Variants in RBFOX1 observed in about 807,000 individuals in gnomAD.
The protein encoded by RBFOX1 is RNA binding protein fox-1 homolog 1.
Under a neutral mutation model 57.7 loss-of-function variants are expected in RBFOX1, and 8 were observed. That is an observed-to-expected ratio of 0.14 (90% CI 0.08 to 0.25). The LOEUF (loss-of-function observed/expected upper bound fraction) is 0.25, where lower values mean the gene tolerates loss of function less well. Among genes scored for constraint, RBFOX1 ranks in the 10% least tolerant of loss-of-function variants. The pLI is 1.00. For missense variants in RBFOX1, 611 were observed against 548.5 expected (o/e 1.11, Z -1.14); for synonymous variants, 326 against 222.4 (o/e 1.47, Z -4.15).
At chr16:6,612,448 C>A (rs1380817149) in intron 2 of RBFOX1, among the ~76,000 whole-genome samples, 11 of 151,748 alleles carry the variant, frequency 7.2e-5, no homozygotes, top group Admixed American at 7.2e-4. Flanking sequence ...CGTATATTGA[C>A]TTATTTAAGT....
chr16:5,500,769 G>A (rs1300917934), intron 2 of RBFOX1, among the ~76,000 whole-genome samples: 2 of 152,226 alleles, frequency 1.3e-5, no homozygotes, highest in South Asian at 2.1e-4. Context: ...AGCTTTTTGC[G>A]TGGTAACTTC....
chr16:5,610,379 G>C (rs1485650605), intron 3 of RBFOX1: 1 of 152,264 alleles, frequency 6.6e-6, no homozygotes, highest in Admixed American at 6.5e-5. Flanking sequence ...CCGTTTAACA[G>C]AAGAGCAAGT....
chr16:7,185,527 C>G (rs1286265039), intron 4 of RBFOX1, among the ~76,000 whole-genome samples: 1 of 152,160 alleles, frequency 6.6e-6, no homozygotes, highest in Middle Eastern at 3.2e-3. Context: ...ACATGGATCA[C>G]CTTTGTGGAC....
chr16:7,696,041 A>T (rs1423046809), intron 14 of RBFOX1, among the ~76,000 whole-genome samples: 1 of 152,214 alleles, frequency 6.6e-6, no homozygotes, highest in Admixed American at 6.5e-5. Context: ...TTTCCCAAAG[A>T]AAAGCAATGC....
At chr16:5,370,798 C>T (rs1028509617) in intron 1 of RBFOX1, among the ~76,000 whole-genome samples, 1 of 151,696 alleles carries the variant, frequency 6.6e-6, no homozygotes, top group Non-Finnish European at 1.5e-5. Flanking sequence ...TGGCCTCTTC[C>T]TCTTCCTTTC....
chr16:6,240,919 C>T (rs538758096), intron 1 of RBFOX1, among the ~76,000 whole-genome samples: 1 of 152,198 alleles, frequency 6.6e-6, no homozygotes, highest in Admixed American at 6.5e-5. Context: ...GTTCACTGTA[C>T]TCTGTGACAT....
intron 3 of RBFOX1, among the ~76,000 whole-genome samples, chr16:6,713,019 G>C (rs1048055302): frequency 1.3e-5 from 2 of 148,814 alleles, no homozygotes; most frequent in Non-Finnish European, 3.0e-5. Context: ...ACCTGCCTTT[G>C]CTCCTCCTTT....
chr16:6,434,719 G>A (rs934750678), intron 2 of RBFOX1, among the ~76,000 whole-genome samples: 6 of 152,070 alleles, frequency 3.9e-5, no homozygotes, highest in African/African-American at 1.4e-4. Context: ...TGTCCAACTA[G>A]ACAGAGAACT....
intron 1 of RBFOX1, among the ~76,000 whole-genome samples, chr16:5,308,644 A>G (rs2064001069): frequency 6.6e-6 from 1 of 152,032 alleles, no homozygotes; most frequent in Non-Finnish European, 1.5e-5. Context: ...GGCTATGTAA[A>G]TATTATTCTT....
intron 1 of RBFOX1, among the ~76,000 whole-genome samples, chr16:6,221,598 T>C (rs12921851): frequency 0.94 from 143,634 of 152,286 alleles, 68,274 homozygotes; most frequent in East Asian, 1. Flanking sequence ...AGTCCATTCT[T>C]ATACTGCTAA....
intron 3 of RBFOX1, among the ~76,000 whole-genome samples, chr16:6,981,282 C>T (rs75651825): frequency 6.6e-6 from 1 of 151,942 alleles, no homozygotes; most frequent in Non-Finnish European, 1.5e-5. Context: ...CATTCACCCT[C>T]CAAAAGGCCC....
At chr16:5,401,512 A>T (rs1464569512) in intron 1 of RBFOX1, among the ~76,000 whole-genome samples, 1 of 152,074 alleles carries the variant, frequency 6.6e-6, no homozygotes, top group African/African-American at 2.4e-5. Flanking sequence ...TTTTGTGATA[A>T]GCTTCTGAAG....
intron 1 of RBFOX1, among the ~76,000 whole-genome samples, chr16:6,188,159 G>A (rs1314211504): frequency 6.6e-6 from 1 of 152,176 alleles, no homozygotes; most frequent in Non-Finnish European, 1.5e-5. Flanking sequence ...TTCTATGTAT[G>A]CTCAGTTGGA....
Position 7,054,545 on chromosome 16 carries a change from T to TGG in RBFOX1, c.27+2453_27+2454dup, listed in dbSNP as rs71147645. ...TGTGAGCCACTGCGCCAAACCTGGG[T>TGG]GGGGGGGCATTTTTTAAGGGTTTCT... is the stretch of plus-strand genomic sequence containing the variant. On this transcript the variant is annotated intron_variant, in intron 4 of 15. Coordinates refer to ENST00000550418, the MANE Select transcript of RBFOX1 (RefSeq NM_018723.4). Among the ~76,000 whole-genome samples the TGG allele has an allele frequency of 1.4e-3, 148 of 108,464 alleles. 10 individuals carry two copies. The highest frequency in any genetic ancestry group is 9.9e-3 in the Admixed American group (96 of 9,666). 71.2% of individuals were successfully genotyped at this position (108,464 alleles called of 152,430 possible).
chr16:7,379,793 C>A (rs2097756392), intron 4 of RBFOX1, among the ~76,000 whole-genome samples: 1 of 150,454 alleles, frequency 6.6e-6, no homozygotes, highest in Non-Finnish European at 1.5e-5. Flanking sequence ...TGCCTGCCTG[C>A]CTCCCTGCCT....
At chr16:7,579,343 T>A (rs942526101) in intron 5 of RBFOX1, among the ~76,000 whole-genome samples, 10 of 152,190 alleles carry the variant, frequency 6.6e-5, no homozygotes, top group African/African-American at 2.2e-4. Context: ...CAGCGTCGGT[T>A]AAGAAATACA....
chr16:5,519,899 A>G (rs1270920164), intron 2 of RBFOX1, among the ~76,000 whole-genome samples: 1 of 152,228 alleles, frequency 6.6e-6, no homozygotes, highest in East Asian at 1.9e-4. Context: ...TATTGAGCCC[A>G]TACTTGAAGC....
At chr16:6,360,243 T>G (rs75721591) in intron 2 of RBFOX1, among the ~76,000 whole-genome samples, 59 of 109,044 alleles carry the variant, frequency 5.4e-4, no homozygotes, top group African/African-American at 2.1e-3. Flanking sequence ...TCTTTATAGA[T>G]TTTTTTTTTT....
intron 3 of RBFOX1, among the ~76,000 whole-genome samples, chr16:6,714,968 G>C (rs919718969): frequency 2.0e-5 from 3 of 152,132 alleles, no homozygotes; most frequent in Non-Finnish European, 2.9e-5. Flanking sequence ...AAGGAATTGT[G>C]GTTAAGCCTC....
Sources: allele counts gnomAD v4.1 joint callset (sites outside exome capture counted in the v4.1 genomes callset), GRCh38; gene constraint gnomAD v4.1.1; transcripts MANE v1.5; gene names NCBI Gene and HGNC (gene_info 2026-07-23, HGNC 2026-07-21).